The following CARD14 variants were observed in gnomAD, a reference collection of about 807,000 sequenced individuals.
The protein encoded by CARD14 is caspase recruitment domain-containing protein 14.
CARD14 carries 107 observed loss-of-function variants against 111.5 expected under a neutral mutation model. The ratio of observed to expected loss-of-function variants is 0.96; its 90% CI spans 0.82 to 1.13. CARD14 has a LOEUF of 1.13. Ranked by LOEUF, CARD14 falls within the 50% of genes most tolerant of loss-of-function variation. The probability of loss-of-function intolerance (pLI) is 0.00; values close to 1 mark genes in which losing one functional copy is unlikely to be tolerated. For synonymous variants in CARD14, 617 were observed against 579.6 expected (o/e 1.06, Z -0.93); for missense variants, 1,322 against 1,362.3 (o/e 0.97, Z 0.47).
intron 16 of CARD14, among the ~76,000 whole-genome samples, chr17:80,199,750 T>G (rs1298345765): frequency 6.7e-6 from 1 of 148,558 alleles, no homozygotes; most frequent in Non-Finnish European, 1.5e-5. Context: ...ATAGCTGGTA[T>G]CTATAATCCC....
In CARD14 at chr17:80,191,657, C is replaced by T. The variant is rs8068433; in HGVS notation, c.1239+185C>T. ...GTGATGAGCGACACACTGGCTCCCA[C>T]GCGTGGATGGTGCCGTGAAACCTCG... is the stretch of plus-strand genomic sequence containing the variant. On this transcript the variant is annotated intron_variant, in intron 11 of 23. Coordinates refer to ENST00000648509, the MANE Select transcript of CARD14 (RefSeq NM_001366385.1). 0.59 allele frequency among the ~76,000 whole-genome samples: 89,169 copies of T among 152,108 alleles called. 26,824 individuals carry two copies. Among genetic ancestry groups the T allele is most frequent in the Middle Eastern group, 0.75 (220 of 294 alleles).
Position 80,182,536 on chromosome 17 carries a change from C to T in CARD14, c.212-117C>T, listed in dbSNP as rs980277389. ...AGAAAACCGCTTTCACCTCCCGATT[C>T]TTACATGTGCGGGGGGTTTCCCAGC... On this transcript the variant is annotated intron_variant, in intron 5 of 23. Transcript: ENST00000648509. This position sits in a 1 kb window ranked among gnomAD's most constrained non-coding sequence, Gnocchi z 4.7. 16 of 1,250,104 alleles carry T rather than the reference C, an allele frequency of 1.3e-5. No homozygotes were observed. The East Asian group carries it at 3.5e-4, about 28-fold the overall frequency. 77.4% of individuals were successfully genotyped at this position (1,250,104 alleles called of 1,614,324 possible). A position where few individuals can be genotyped will look rare whatever the true frequency, so the allele number is the denominator to read the frequency against.
chr17:80,199,724 CA>C (rs553403089), intron 16 of CARD14, among the ~76,000 whole-genome samples: 18,261 of 116,596 alleles, frequency 0.16, 1,540 homozygotes, highest in African/African-American at 0.28. Flanking sequence ...ACTAAAAATA[CA>C]AAAAAAAAAA....
chr17:80,198,285 T>TG lies in CARD14; in HGVS notation c.1659-112dup, dbSNP rs2040791824. On this transcript the variant is annotated intron_variant, in intron 15 of 23. Transcript: ENST00000648509. The surrounding 1 kb of genome is among the most constrained non-coding windows in gnomAD (Gnocchi z 7.5). ...CAGCCTTTCCAAGCACATGGGGCCATGGAGGGGGAGGAGAATTCCAGAACA... is the reference window on the plus strand; with the variant it reads ...CAGCCTTTCCAAGCACATGGGGCCATGGGAGGGGGAGGAGAATTCCAGAACA... 6.4e-7 allele frequency: 1 copy of TG among 1,562,432 alleles called. No homozygotes were observed. The highest frequency in any genetic ancestry group is 8.7e-7 in the Non-Finnish European group (1 of 1,143,192).
intron 12 of CARD14, among the ~76,000 whole-genome samples, chr17:80,194,687 G>A (rs1372240055): frequency 1.3e-5 from 2 of 152,178 alleles, no homozygotes; most frequent in Non-Finnish European, 2.9e-5. Context: ...AGAGCGGCAG[G>A]AGAGAGAATG....
chr17:80,196,046 C>T (rs568396822), intron 14 of CARD14: 117 of 173,638 alleles, frequency 6.7e-4, no homozygotes, highest in African/African-American at 2.4e-3. Context: ...CATCTACCTG[C>T]GGGGAGCATC....
At chr17:80,180,405 C>T (rs1041369094) in intron 4 of CARD14, among the ~76,000 whole-genome samples, 6 of 152,172 alleles carry the variant, frequency 3.9e-5, no homozygotes, top group African/African-American at 7.2e-5. Flanking sequence ...CCCCCGCAGC[C>T]GAGCCGTGCT....
intron 4 of CARD14, 68 bp from the exon 5 acceptor site, chr17:80,181,351 G>A (rs1343821997): frequency 1.2e-5 from 14 of 1,182,894 alleles, no homozygotes; most frequent in East Asian, 5.1e-5. Flanking sequence ...ATTTTAAAAC[G>A]GTGTCACCCT....
At position 80,199,049 on chromosome 17, in the gene CARD14, G is replaced by A. The variant is rs4552054; in HGVS notation, c.1851+458G>A. Reference sequence around the variant, plus strand: ...CTGCAGCCTCGACCTCCCCAGGCTCGATTGATCCTCCCACCTCAGCCTCTT... The same window carrying A: ...CTGCAGCCTCGACCTCCCCAGGCTCAATTGATCCTCCCACCTCAGCCTCTT... On this transcript the variant is annotated intron_variant, in intron 16 of 23. Transcript: ENST00000648509. The A allele has an allele frequency of 0.24, 83,311 of 354,036 alleles. 12,796 individuals are homozygous for A. Among genetic ancestry groups the A allele is most frequent in the African/African-American group, 0.54 (24,161 of 45,070 alleles). 21.9% of individuals were successfully genotyped at this position (354,036 alleles called of 1,614,324 possible).
chr17:80,175,460 T>C (rs1292519453), intron 2 of CARD14, among the ~76,000 whole-genome samples: 1 of 152,146 alleles, frequency 6.6e-6, no homozygotes, highest in Non-Finnish European at 1.5e-5. Flanking sequence ...CTGGAGACTT[T>C]GACGTGACAG....
At chr17:80,172,606 G>T (rs561066397) in intron 1 of CARD14, among the ~76,000 whole-genome samples, 1 of 152,156 alleles carries the variant, frequency 6.6e-6, no homozygotes, top group South Asian at 2.1e-4. Context: ...GGAGCTCGGC[G>T]TCGGCGTGCC....
intron 2 of CARD14, among the ~76,000 whole-genome samples, chr17:80,176,470 A>G (rs1231569599): frequency 2.0e-5 from 3 of 150,370 alleles, no homozygotes. Flanking sequence ...AGGAAGAGCT[A>G]TAACCCATAC....
At position 80,189,824 on chromosome 17, in the gene CARD14, C is replaced by G; in HGVS notation, c.915C>G (p.Ile305Met). The change falls in exon 9 of 24, where the codon ATC becomes ATG. Residue 305 changes from isoleucine to methionine, a missense_variant. Ile to Met is a conservative substitution (Grantham distance 10). Transcript: ENST00000648509. The surrounding 1 kb of genome is among the most constrained non-coding windows in gnomAD (Gnocchi z 4.7). ...RGSRQELVER[I>M]HSLRERAVAA... ...GCCGACAGGAGCTGGTGGAGCGCAT[C>G]CACTCGCTGCGGGAGCGGGCCGTGG... 1 of 1,586,252 alleles carries G rather than the reference C, an allele frequency of 6.3e-7. No individual in the cohort carries two copies. Among genetic ancestry groups the G allele is most frequent in the Non-Finnish European group, 8.5e-7 (1 of 1,170,804 alleles).
chr17:80,198,195 C>G lies in CARD14; in HGVS notation c.1658+33C>G, dbSNP rs1377500672. 6.2e-7 allele frequency: 1 copy of G among 1,611,228 alleles called. No homozygotes were observed. Among genetic ancestry groups the G allele is most frequent in the Admixed American group, 1.7e-5 (1 of 60,014 alleles). ...GCAGGTGGGAATCCTCCGAGGCTGG[C>G]TGGGGAACCAGGGCCAGGGAGTGGC... is the stretch of plus-strand genomic sequence containing the variant. On this transcript the variant is annotated intron_variant, in intron 15 of 23. Coordinates refer to ENST00000648509, the MANE Select transcript of CARD14 (RefSeq NM_001366385.1). This position sits in a 1 kb window ranked among gnomAD's most constrained non-coding sequence, Gnocchi z 7.5.
At chr17:80,205,407 G>A (rs2041242684) in intron 21 of CARD14, 124 bp from the exon 22 acceptor site, 2 of 1,360,150 alleles carry the variant, frequency 1.5e-6, no homozygotes, top group African/African-American at 2.9e-5. Context: ...TTGTAAAGTG[G>A]ACATCCTAAG....
rs2041356772 is a variant in CARD14, at chr17:80,207,014, C to T, written c.2736C>T (p.Thr912=). The T allele has an allele frequency of 6.2e-7, 1 of 1,613,894 alleles. No individual in the cohort carries two copies. Among genetic ancestry groups the T allele is most frequent in the Admixed American group, 1.7e-5 (1 of 59,994 alleles). ...LLDVQLDSVC[T]LHRMDIFPIV... ...ACGTCCAGCTGGACAGTGTCTGCAC[C>T]CTGCACAGGATGGACATCTTCCCCA... Residue 912 remains threonine, a synonymous_variant, in exon 23 of 24, where the codon ACC becomes ACT. Coordinates refer to ENST00000648509, the MANE Select transcript of CARD14 (RefSeq NM_001366385.1).
chr17:80,192,886 G>A (rs2040573262), intron 12 of CARD14, among the ~76,000 whole-genome samples: 1 of 152,300 alleles, frequency 6.6e-6, no homozygotes, highest in East Asian at 1.9e-4. Flanking sequence ...CCAAGTAGCT[G>A]CATTACAGAC....
intron 4 of CARD14, 138 bp from the exon 5 acceptor site, chr17:80,181,281 C>T (rs1047850527): frequency 7.4e-6 from 5 of 672,802 alleles, no homozygotes; most frequent in Non-Finnish European, 1.3e-5. Flanking sequence ...CCGTAAACAT[C>T]TCAAGACTGT....
intron 2 of CARD14, among the ~76,000 whole-genome samples, chr17:80,177,986 G>A (rs983527227): frequency 2.0e-5 from 3 of 152,106 alleles, no homozygotes; most frequent in Admixed American, 6.6e-5. Context: ...ATTCTTTTGC[G>A]GGGGGCCACA....
Sources: gnomAD v4.1 joint callset for allele counts (sites outside exome capture counted in the v4.1 genomes callset) on GRCh38, gnomAD v4.1.1 for gene constraint, Gnocchi (gnomAD v3.1) non-coding constraint, MANE v1.5 for transcripts, NCBI Gene and HGNC (gene_info 2026-07-23, HGNC 2026-07-21) for gene names.